Variants in DGKB observed in about 807,000 individuals in gnomAD.
DGKB encodes diacylglycerol kinase beta.
DGKB carries 67 observed loss-of-function variants against 114.3 expected under a neutral mutation model. The observed-to-expected ratio is 0.59, with a 90% CI of 0.48 to 0.72. The LOEUF is 0.72. DGKB is among the 30% of genes least tolerant of loss of function. DGKB has a pLI of 0.00. For missense variants in DGKB, 907 were observed against 975.2 expected (o/e 0.93, Z 0.93); for synonymous variants, 398 against 323.1 (o/e 1.23, Z -2.49).
chr7:14,720,917 A>G (rs1026302595), intron 5 of DGKB, among the ~76,000 whole-genome samples: 2 of 152,104 alleles, frequency 1.3e-5, no homozygotes, highest in Non-Finnish European at 1.5e-5. Flanking sequence ...CTGCAGGAAT[A>G]AGCAGTTCCA....
At chr7:14,412,723 T>G (rs2128747712) in intron 21 of DGKB, among the ~76,000 whole-genome samples, 1 of 152,252 alleles carries the variant, frequency 6.6e-6, no homozygotes. Context: ...GGCTCACGCC[T>G]GTAATCCCAG....
At chr7:14,574,574 T>C (rs1260940188) in intron 19 of DGKB, among the ~76,000 whole-genome samples, 1 of 152,330 alleles carries the variant, frequency 6.6e-6, no homozygotes, top group Non-Finnish European at 1.5e-5. Flanking sequence ...TGGTAACATG[T>C]ACTGTATTTC....
chr7:14,168,856 G>C (rs749101873), intron 25 of DGKB, among the ~76,000 whole-genome samples: 3 of 152,176 alleles, frequency 2.0e-5, no homozygotes, highest in African/African-American at 7.2e-5. Flanking sequence ...TGAGGAAATT[G>C]CTTCTAAGCT....
chr7:14,780,674 G>C (rs553437335), intron 2 of DGKB, among the ~76,000 whole-genome samples: 1 of 151,634 alleles, frequency 6.6e-6, no homozygotes, highest in Admixed American at 6.6e-5. Flanking sequence ...TATTCTTACT[G>C]AGGTGCTTAC....
chr7:14,180,220 T>G (rs1389615435), intron 23 of DGKB, among the ~76,000 whole-genome samples: 1 of 152,128 alleles, frequency 6.6e-6, no homozygotes, highest in Non-Finnish European at 1.5e-5. Context: ...CTGTGTTAAT[T>G]TCTGCAATGA....
chr7:14,939,699 C>T (rs1193025120), intron 1 of DGKB, among the ~76,000 whole-genome samples: 25 of 127,542 alleles, frequency 2.0e-4, no homozygotes, highest in African/African-American at 7.2e-4. Context: ...CTGCAAGTTG[C>T]GCCTCCCGGC....
chr7:14,423,452 G>C (rs1017025452), intron 21 of DGKB, among the ~76,000 whole-genome samples: 1 of 151,954 alleles, frequency 6.6e-6, no homozygotes, highest in African/African-American at 2.4e-5. Flanking sequence ...TATACTTTTA[G>C]ATTTTACAAA....
intron 1 of DGKB, among the ~76,000 whole-genome samples, chr7:14,922,403 TG>T (rs1784553713): frequency 1.3e-5 from 2 of 151,782 alleles, no homozygotes; most frequent in Admixed American, 6.6e-5. Context: ...TGTGTGTGTG[TG>T]TGTGTGTGTG....
chr7:14,193,158 C>T lies in DGKB; in HGVS notation c.2123-15007G>A, dbSNP rs529279091. 3.8e-4 allele frequency among the ~76,000 whole-genome samples: 55 copies of T among 143,056 alleles called. 2 individuals carry two copies. The highest frequency in any genetic ancestry group is 2.3e-4 in the Admixed American group (3 of 13,308). The allele number at this position is 143,056 out of a possible 152,430, so 93.9% of individuals were successfully genotyped here. A position where few individuals can be genotyped will look rare whatever the true frequency, so the allele number is the denominator to read the frequency against. ...TGTTTGTGGCCTGGGGGTTAGGGACCCCTGCTTCAGAGAAATAGAAAAAAA... is the reference window on the plus strand; with the variant it reads ...TGTTTGTGGCCTGGGGGTTAGGGACTCCTGCTTCAGAGAAATAGAAAAAAA... On this transcript the variant is annotated intron_variant, in intron 23 of 25. Coordinates refer to ENST00000402815, the MANE Select transcript of DGKB (RefSeq NM_001350709.2).
chr7:14,880,895 C>T lies in DGKB; in HGVS notation c.-188+21697G>A, dbSNP rs530730626. Among the ~76,000 whole-genome samples the T allele has an allele frequency of 6.6e-5, 10 of 152,096 alleles. No homozygotes were observed. In the East Asian group the frequency reaches 1.2e-3, roughly 18 times the overall value. ...ATATTCCTACTTATGTTTATTTGCT[C>T]GTTTCCAGTTTTATGTTACAGTAAA... On this transcript the variant is annotated intron_variant, in intron 1 of 25. Transcript: ENST00000402815.
chr7:14,331,424 C>T (rs906424012), intron 23 of DGKB, among the ~76,000 whole-genome samples: 2 of 151,902 alleles, frequency 1.3e-5, no homozygotes, highest in Non-Finnish European at 2.9e-5. Context: ...ACATCATCTA[C>T]AGTTCTAAAA....
intron 13 of DGKB, among the ~76,000 whole-genome samples, chr7:14,642,183 TC>T (rs1222362944): frequency 1.3e-5 from 2 of 152,092 alleles, no homozygotes; most frequent in Non-Finnish European, 2.9e-5. Context: ...ATTATTTTTT[TC>T]TATACTCTTT....
chr7:14,147,275 T>C lies in DGKB; in HGVS notation c.*1856A>G, dbSNP rs1781576718. ...AGTGATTGCTGTACTAAATTTGCAA[T>C]TGTAATCATAATTTTCCTGGGAATG... On this transcript the variant is annotated 3_prime_UTR_variant, in exon 26 of 26. Coordinates refer to ENST00000402815, the MANE Select transcript of DGKB (RefSeq NM_001350709.2). 2 of 152,158 alleles carry C rather than the reference T, an allele frequency of 1.3e-5. No homozygotes were observed. Among genetic ancestry groups the C allele is most frequent in the African/African-American group, 4.8e-5 (2 of 41,448 alleles). The allele number at this position is 152,158 out of a possible 1,614,324, so 9.4% of individuals were successfully genotyped here.
At chr7:14,403,617 AGAACTCTTAGG>A (rs766607134) in intron 21 of DGKB, among the ~76,000 whole-genome samples, 5 of 151,982 alleles carry the variant, frequency 3.3e-5, no homozygotes, top group Admixed American at 1.3e-4. Flanking sequence ...CTCCTGTTGG[AGAACTCTTAGG>A]GAACCCTAAT....
intron 1 of DGKB, among the ~76,000 whole-genome samples, chr7:14,973,527 G>GTTTTTTTTTT (rs11300261): frequency 4.4e-5 from 6 of 137,296 alleles, no homozygotes; most frequent in Admixed American, 7.3e-5. Flanking sequence ...TTGTTTTTTT[G>GTTTTTTTTTT]TTTTTTTTTT....
intron 2 of DGKB, among the ~76,000 whole-genome samples, chr7:14,771,200 G>A (rs1837351068): frequency 1.3e-5 from 2 of 152,056 alleles, no homozygotes; most frequent in Admixed American, 1.3e-4. Context: ...ATAGATTAGA[G>A]GTTAATCACA....
intron 13 of DGKB, among the ~76,000 whole-genome samples, chr7:14,659,274 G>T (rs1238050902): frequency 6.6e-6 from 1 of 151,998 alleles, no homozygotes; most frequent in African/African-American, 2.4e-5. Context: ...CCTGCTAATG[G>T]ACAGTAATAA....
At chr7:14,805,850 G>T (rs1342037941) in intron 2 of DGKB, among the ~76,000 whole-genome samples, 1 of 150,960 alleles carries the variant, frequency 6.6e-6, no homozygotes, top group African/African-American at 2.4e-5. Context: ...AAAATTTAGA[G>T]AATTTGAGTC....
intron 21 of DGKB, among the ~76,000 whole-genome samples, chr7:14,399,241 C>T (rs1013767397): frequency 6.6e-6 from 1 of 151,482 alleles, no homozygotes; most frequent in African/African-American, 2.4e-5. Flanking sequence ...GCATTTGGTA[C>T]AGAAAACAAA....
Sources: gnomAD v4.1 joint callset for allele counts (sites outside exome capture counted in the v4.1 genomes callset) on GRCh38, gnomAD v4.1.1 for gene constraint, MANE v1.5 for transcripts, NCBI Gene and HGNC (gene_info 2026-07-23, HGNC 2026-07-21) for gene names.